KIAA1217: variants seen among roughly 807,000 people sequenced by gnomAD.
KIAA1217 encodes sickle tail protein homolog.
Under a neutral mutation model 163.9 loss-of-function variants are expected in KIAA1217, and 88 were observed. That is an observed-to-expected ratio of 0.54 (90% CI 0.45 to 0.64). KIAA1217 has a LOEUF of 0.64. KIAA1217 is among the 30% of genes least tolerant of loss of function. KIAA1217 has a pLI of 0.00. For synonymous variants in KIAA1217, 903 were observed against 923.1 expected (o/e 0.98, Z 0.39); for missense variants, 2,372 against 2,475.0 (o/e 0.96, Z 0.88).
At chr10:24,097,402 C>A (rs1323603945) in intron 2 of KIAA1217, among the ~76,000 whole-genome samples, 2 of 151,936 alleles carry the variant, frequency 1.3e-5, no homozygotes, top group African/African-American at 2.4e-5. Flanking sequence ...CACAAAAAAA[C>A]ATTAGCCAAG....
chr10:24,414,943 A>G (rs942468600), intron 3 of KIAA1217, among the ~76,000 whole-genome samples: 23 of 152,116 alleles, frequency 1.5e-4, no homozygotes, highest in African/African-American at 5.1e-4. Context: ...GGTACAACCA[A>G]AAAGTCTTCT....
intron 2 of KIAA1217, among the ~76,000 whole-genome samples, chr10:24,152,201 G>T (rs2064651392): frequency 6.6e-6 from 1 of 152,122 alleles, no homozygotes; most frequent in Admixed American, 6.5e-5. Flanking sequence ...GCGAGCATAT[G>T]ATTTTTTCCT....
chr10:23,731,811 G>A (rs1264134035), intron 1 of KIAA1217, among the ~76,000 whole-genome samples: 1 of 151,960 alleles, frequency 6.6e-6, no homozygotes, highest in Non-Finnish European at 1.5e-5. Context: ...TAAATCATGA[G>A]TGAGTGTTAG....
intron 6 of KIAA1217, among the ~76,000 whole-genome samples, chr10:24,484,267 A>G (rs147332547): frequency 0.13 from 12,174 of 96,374 alleles, 646 homozygotes; most frequent in East Asian, 0.21. Flanking sequence ...TTTTTTTTGA[A>G]ACAGTCTCGC....
At chr10:24,278,083 C>G (rs1202408793) in intron 2 of KIAA1217, among the ~76,000 whole-genome samples, 1 of 152,184 alleles carries the variant, frequency 6.6e-6, no homozygotes, top group African/African-American at 2.4e-5. Flanking sequence ...GATGACGCCA[C>G]CTCTTAGGCT....
At chr10:23,753,172 A>C (rs1184951358) in intron 1 of KIAA1217, among the ~76,000 whole-genome samples, 1 of 152,206 alleles carries the variant, frequency 6.6e-6, no homozygotes, top group Non-Finnish European at 1.5e-5. Context: ...TGGTGCCAAA[A>C]ATGGAGCTGG....
chr10:23,945,632 G>A (rs1377067355), intron 1 of KIAA1217, among the ~76,000 whole-genome samples: 1 of 152,072 alleles, frequency 6.6e-6, no homozygotes, highest in Admixed American at 6.6e-5. Flanking sequence ...ACTCATCTCA[G>A]GGAACTCCAA....
At chr10:23,922,192 A>G (rs1301730447) in intron 1 of KIAA1217, among the ~76,000 whole-genome samples, 1 of 152,214 alleles carries the variant, frequency 6.6e-6, no homozygotes, top group Non-Finnish European at 1.5e-5. Flanking sequence ...CCCTAAAAGA[A>G]GGGGTTCAGA....
In KIAA1217 at chr10:24,494,573, C is replaced by T; in HGVS notation, c.1753C>T (p.Pro585Ser). Residue 585 changes from proline to serine, a missense_variant, in exon 7 of 21, where the codon CCC becomes TCC. By Grantham distance (74) the Pro-to-Ser change is moderately conservative. Coordinates refer to ENST00000376454, the MANE Select transcript of KIAA1217 (RefSeq NM_019590.5). ...GLVQSALFKG[P>S]ITSYSKDASS... ...TGTTCAGTCTGCGCTTTTTAAAGGG[C>T]CCATTACAAGTTATAGCAAAGATGC... is the stretch of plus-strand genomic sequence containing the variant. 1 of 1,612,902 alleles carries T rather than the reference C, an allele frequency of 6.2e-7. No homozygotes were observed. Among genetic ancestry groups the T allele is most frequent in the Non-Finnish European group, 8.5e-7 (1 of 1,179,316 alleles).
intron 1 of KIAA1217, among the ~76,000 whole-genome samples, chr10:23,927,880 G>A (rs1333035041): frequency 1.1e-4 from 16 of 152,124 alleles, no homozygotes; most frequent in Admixed American, 1.0e-3. Flanking sequence ...GACTTGGGAG[G>A]AAATACACAT....
chr10:23,735,520 T>C (rs1225171344), intron 1 of KIAA1217, among the ~76,000 whole-genome samples: 1 of 148,582 alleles, frequency 6.7e-6, no homozygotes, highest in Non-Finnish European at 1.5e-5. Flanking sequence ...TAAAATTATA[T>C]TTTTTTCTAA....
At chr10:23,757,920 C>A (rs999716547) in intron 1 of KIAA1217, among the ~76,000 whole-genome samples, 1 of 152,084 alleles carries the variant, frequency 6.6e-6, no homozygotes, top group Non-Finnish European at 1.5e-5. Context: ...TTTGTTATTG[C>A]GTTTCAGAAG....
At chr10:24,436,210 G>A (rs930958163) in intron 4 of KIAA1217, among the ~76,000 whole-genome samples, 4 of 151,798 alleles carry the variant, frequency 2.6e-5, no homozygotes, top group Non-Finnish European at 2.9e-5. Flanking sequence ...ATATTTAAGT[G>A]GAAAGATCAC....
chr10:24,023,312 T>G (rs756387232), intron 2 of KIAA1217, among the ~76,000 whole-genome samples: 1 of 151,722 alleles, frequency 6.6e-6, no homozygotes, highest in Non-Finnish European at 1.5e-5. Context: ...ATAACCATTC[T>G]GGCAAACTGT....
chr10:24,210,428 T>A (rs2067927009), intron 1 of KIAA1217, among the ~76,000 whole-genome samples: 1 of 151,994 alleles, frequency 6.6e-6, no homozygotes, highest in South Asian at 2.1e-4. Context: ...GTCAGTGGCA[T>A]CCAGTGGAAG....
chr10:24,311,858 C>T (rs1301573173), intron 2 of KIAA1217, among the ~76,000 whole-genome samples: 1 of 152,142 alleles, frequency 6.6e-6, no homozygotes, highest in East Asian at 1.9e-4. Flanking sequence ...AAGAGAAGGA[C>T]TTGGCAGGTG....
intron 1 of KIAA1217, among the ~76,000 whole-genome samples, chr10:24,212,820 A>C (rs2068315266): frequency 1.3e-5 from 2 of 152,154 alleles, no homozygotes; most frequent in Admixed American, 6.5e-5. Context: ...TCACGTTTGC[A>C]TTTCCAGCAC....
chr10:24,442,465 C>T (rs1392198753), intron 5 of KIAA1217, among the ~76,000 whole-genome samples: 1 of 152,104 alleles, frequency 6.6e-6, no homozygotes, highest in East Asian at 1.9e-4. Flanking sequence ...AAGCCATATC[C>T]CTAACTCTGC....
intron 2 of KIAA1217, among the ~76,000 whole-genome samples, chr10:24,080,579 G>GA (rs199822004): frequency 2.1e-4 from 32 of 151,952 alleles, no homozygotes; most frequent in Admixed American, 7.9e-4. Flanking sequence ...CCATAATTAG[G>GA]AAAAAAAGCC....
Sources: allele counts gnomAD v4.1 joint callset (sites outside exome capture counted in the v4.1 genomes callset), GRCh38; gene constraint gnomAD v4.1.1; transcripts MANE v1.5; gene names NCBI Gene and HGNC (gene_info 2026-07-23, HGNC 2026-07-21).